Variants in RIMS3 observed in about 807,000 individuals in gnomAD.
RIMS3 encodes the protein regulating synaptic membrane exocytosis protein 3.
In RIMS3, 15 loss-of-function variants were observed where a neutral mutation model predicts 29.2. The ratio of observed to expected loss-of-function variants is 0.51; its 90% CI spans 0.34 to 0.79. RIMS3 has a LOEUF of 0.79. Ranked by LOEUF, RIMS3 falls within the 30% of genes least tolerant of loss-of-function variation. RIMS3 has a pLI of 0.01. For synonymous variants in RIMS3, 161 were observed against 170.1 expected (o/e 0.95, Z 0.41); for missense variants, 342 against 421.4 (o/e 0.81, Z 1.65).
At chr1:40,686,436 A>C in the RIMS3 span, among the ~76,000 whole-genome samples, 2 of 152,074 alleles carry the variant, frequency 1.3e-5, no homozygotes, top group Non-Finnish European at 2.9e-5. Context: ...GTGGATCATG[A>C]GGTCAGGAGA....
At chr1:40,631,180 G>A (rs1302733498) in intron 5 of RIMS3, among the ~76,000 whole-genome samples, 3 of 152,150 alleles carry the variant, frequency 2.0e-5, no homozygotes, top group Non-Finnish European at 4.4e-5. Flanking sequence ...GGCACCTCTG[G>A]AGGAGCTATC....
At position 40,621,701 on chromosome 1, in the gene RIMS3, A is replaced by G. The variant is rs1186603849; in HGVS notation, c.*4816T>C. On this transcript the variant is annotated 3_prime_UTR_variant, in exon 8 of 8. Coordinates refer to ENST00000372684, the MANE Select transcript of RIMS3 (RefSeq NM_014747.3). ...AGTTTCTGGTAAAACTGTACAGAAC[A>G]GCCTTTGATTCCCTGTAGCCAGCTG... 1 of 152,226 alleles carries G rather than the reference A, an allele frequency of 6.6e-6. No homozygotes were observed. Among genetic ancestry groups the G allele is most frequent in the Non-Finnish European group, 1.5e-5 (1 of 68,046 alleles). The allele number at this position is 152,226 out of a possible 1,614,324, so 9.4% of individuals were successfully genotyped here. A position where few individuals can be genotyped will look rare whatever the true frequency, so the allele number is the denominator to read the frequency against.
At chr1:40,691,108 GT>G in the RIMS3 span, 1 of 152,290 alleles carries the variant, frequency 6.6e-6, no homozygotes, top group Admixed American at 6.5e-5. Context: ...AGTAGCTGTG[GT>G]TTCCAACTGC....
In RIMS3 at chr1:40,636,923, G is replaced by A. The variant is rs912019281; in HGVS notation, c.218-866C>T. Among the ~76,000 whole-genome samples, 6 of 152,172 alleles carry A rather than the reference G, an allele frequency of 3.9e-5. No individual in the cohort carries two copies. Among genetic ancestry groups the A allele is most frequent in the Admixed American group, 1.3e-4 (2 of 15,276 alleles). On this transcript the variant is annotated intron_variant, in intron 3 of 7. Transcript: ENST00000372684. The surrounding 1 kb of genome is among the most constrained non-coding windows in gnomAD (Gnocchi z 4.2). Reference sequence around the variant, plus strand: ...TCGGCATTGCAGTGTGGTCCCTCTAGACACCCTCTCCTCCTGGCGGGGGGC... The same window carrying A: ...TCGGCATTGCAGTGTGGTCCCTCTAAACACCCTCTCCTCCTGGCGGGGGGC...
At chr1:40,633,512 T>C (rs1646502174) in intron 4 of RIMS3, among the ~76,000 whole-genome samples, 1 of 152,248 alleles carries the variant, frequency 6.6e-6, no homozygotes. Flanking sequence ...CACCAGGGCA[T>C]ATCAGTGCTA....
At chr1:40,663,439 C>T (rs1161044049) in intron 1 of RIMS3, among the ~76,000 whole-genome samples, 1 of 152,076 alleles carries the variant, frequency 6.6e-6, no homozygotes, top group African/African-American at 2.4e-5. Flanking sequence ...TCTCACATGG[C>T]ACTAATGAAA....
At position 40,624,917 on chromosome 1, in the gene RIMS3, T is replaced by A. The variant is rs1646444311; in HGVS notation, c.*1600A>T. 1 of 152,666 alleles carries A rather than the reference T, an allele frequency of 6.6e-6. No homozygotes were observed. Among genetic ancestry groups the A allele is most frequent in the Admixed American group, 6.5e-5 (1 of 15,282 alleles). The allele number at this position is 152,666 out of a possible 1,614,324, so 9.5% of individuals were successfully genotyped here. A position where few individuals can be genotyped will look rare whatever the true frequency, so the allele number is the denominator to read the frequency against. On this transcript the variant is annotated 3_prime_UTR_variant, in exon 8 of 8. Coordinates refer to ENST00000372684, the MANE Select transcript of RIMS3 (RefSeq NM_014747.3). The stretch of plus-strand genomic sequence containing the variant: ...CAGCCATTTCAGCACCTGGGGATAA[T>A]GCCTGGAGAGAGGTGGAAAGAGTGC...
chr1:40,675,437 C>T, the RIMS3 span, among the ~76,000 whole-genome samples: 96 of 151,944 alleles, frequency 6.3e-4, no homozygotes, highest in African/African-American at 2.2e-3. Context: ...GCCTAAGCAA[C>T]ATGGCAAAGC....
At chr1:40,649,367 C>G (rs1364932317) in intron 1 of RIMS3, among the ~76,000 whole-genome samples, 2 of 152,236 alleles carry the variant, frequency 1.3e-5, no homozygotes, top group Non-Finnish European at 2.9e-5. Flanking sequence ...GCAGCCACGA[C>G]AGCCATAGTC....
chr1:40,656,739 C>T (rs1279189218), intron 1 of RIMS3, among the ~76,000 whole-genome samples: 2 of 149,138 alleles, frequency 1.3e-5, no homozygotes, highest in African/African-American at 5.0e-5. Context: ...GCTGAGATTG[C>T]GCCATTGCAC....
At chr1:40,691,693 G>C in the RIMS3 span, 4 of 452,078 alleles carry the variant, frequency 8.8e-6, no homozygotes, top group Admixed American at 7.1e-5. Flanking sequence ...GAAGGGAAAA[G>C]GGGAAACGGT....
intron 3 of RIMS3, among the ~76,000 whole-genome samples, chr1:40,638,776 C>T (rs541011935): frequency 2.1e-4 from 32 of 152,346 alleles, no homozygotes; most frequent in African/African-American, 5.5e-4. Context: ...ACTGCTCCCA[C>T]GACTTAGTGA....
At position 40,629,360 on chromosome 1, in the gene RIMS3, AT is replaced by A; in HGVS notation, c.484del (p.Ile162LeufsTer14). On this transcript the variant is annotated frameshift_variant, in exon 6 of 8. Transcript: ENST00000372684. LOFTEE classifies it high-confidence loss of function. ...CTGGCCACTCCGGTCCATGATGGCA[AT>A]GTGCACATCTCCTGAAAGGAAGAAG... is the stretch of plus-strand genomic sequence containing the variant. Reference protein sequence around the residue: ...LATPPMGDVHIAIMDRSGQLE... With the variant: ...LATPPMGDVHXAIMDRSGQLE... 1 of 1,610,156 alleles carries A rather than the reference AT, an allele frequency of 6.2e-7. No homozygotes were observed. Among genetic ancestry groups the A allele is most frequent in the Non-Finnish European group, 8.5e-7 (1 of 1,177,308 alleles).
intron 1 of RIMS3, among the ~76,000 whole-genome samples, chr1:40,649,017 C>CA (rs1294477611): frequency 2.0e-5 from 3 of 152,224 alleles, no homozygotes; most frequent in African/African-American, 7.2e-5. Context: ...CTCCTGTCCC[C>CA]ACTCAGGGAG....
rs551091200 is a variant in RIMS3, at chr1:40,661,088, G to A, written c.-207+4306C>T. Among the ~76,000 whole-genome samples the A allele has an allele frequency of 3.9e-5, 6 of 152,198 alleles. No homozygotes were observed. In the East Asian group the frequency reaches 7.7e-4, roughly 20 times the overall value. On this transcript the variant is annotated intron_variant, in intron 1 of 7. Transcript: ENST00000372684. ...CTCCTCCTAGGTGGAGACTTCCCTG[G>A]TGTAAGCATTGCTCTGCAGTTGGAC...
At chr1:40,667,122 A>G (rs566066164), upstream of RIMS3, among the ~76,000 whole-genome samples, 6 of 152,286 alleles carry the variant, frequency 3.9e-5, no homozygotes, top group Admixed American at 1.3e-4. Context: ...TAGTCATCCT[A>G]CGCCTTCCCT....
chr1:40,668,626 G>A (rs145306550), upstream of RIMS3, among the ~76,000 whole-genome samples: 569 of 151,984 alleles, frequency 3.7e-3, 3 homozygotes, highest in African/African-American at 0.013. Context: ...ACACCATAAT[G>A]TATCAGAAAA....
chr1:40,661,070 T>C (rs2148362226), intron 1 of RIMS3, among the ~76,000 whole-genome samples: 1 of 152,202 alleles, frequency 6.6e-6, no homozygotes, highest in Admixed American at 6.5e-5. Flanking sequence ...TCGCTCCTCC[T>C]AGGTGGAGAC....
chr1:40,682,868 G>A, the RIMS3 span, among the ~76,000 whole-genome samples: 1 of 149,882 alleles, frequency 6.7e-6, no homozygotes, highest in Non-Finnish European at 1.5e-5. Flanking sequence ...AGCCTCCCGA[G>A]TAGCTGGGCC....
Sources: gnomAD v4.1 joint callset for allele counts (sites outside exome capture counted in the v4.1 genomes callset) on GRCh38, gnomAD v4.1.1 for gene constraint, Gnocchi (gnomAD v3.1) non-coding constraint, MANE v1.5 for transcripts, NCBI Gene and HGNC (gene_info 2026-07-23, HGNC 2026-07-21) for gene names.